The following SSX2IP variants were observed in gnomAD, a reference collection of about 807,000 sequenced individuals.
The protein encoded by SSX2IP is afadin- and alpha-actinin-binding protein.
In SSX2IP, 55 loss-of-function variants were observed where a neutral mutation model predicts 84.9. The observed-to-expected ratio is 0.65, with a 90% CI of 0.52 to 0.81. The LOEUF (loss-of-function observed/expected upper bound fraction) is 0.81. SSX2IP is among the 30% of genes least tolerant of loss of function. The pLI is 0.00. For missense variants in SSX2IP, 664 were observed against 705.2 expected (o/e 0.94, Z 0.66); for synonymous variants, 239 against 234.7 (o/e 1.02, Z -0.17).
At chr1:84,660,261 G>A (rs944002725) in intron 8 of SSX2IP, among the ~76,000 whole-genome samples, 2 of 152,150 alleles carry the variant, frequency 1.3e-5, no homozygotes, top group African/African-American at 4.8e-5. Flanking sequence ...TGTGAATTAT[G>A]AAGAATTATA....
In SSX2IP at chr1:84,682,780, T is replaced by G. The variant is rs185228443; in HGVS notation, c.-90+7591A>C. Among the ~76,000 whole-genome samples, 894 of 152,292 alleles carry G rather than the reference T, an allele frequency of 5.9e-3. 7 individuals are homozygous for G. The highest frequency in any genetic ancestry group is 9.2e-3 in the Non-Finnish European group (624 of 68,018). ...GCCTCCAAAATGCTGGGATTACAGG[T>G]GTGAGCCATCACGCACTGCCTTTTC... is the stretch of plus-strand genomic sequence containing the variant. On this transcript the variant is annotated intron_variant, in intron 1 of 13. Transcript: ENST00000342203.
Position 84,664,444 on chromosome 1 carries a change from C to G in SSX2IP, c.646G>C (p.Val216Leu). 3 of 1,597,964 alleles carry G rather than the reference C, an allele frequency of 1.9e-6. No individual in the cohort carries two copies. The highest frequency in any genetic ancestry group is 2.6e-6 in the Non-Finnish European group (3 of 1,174,716). Residue 216 changes from valine to leucine, a missense_variant, in exon 6 of 14, where the codon GTT (valine) becomes CTT (leucine). By Grantham distance (32) the Val-to-Leu change is conservative (BLOSUM62 1). Coordinates refer to ENST00000342203, the MANE Select transcript of SSX2IP (RefSeq NM_001166293.2). Reference protein sequence around the residue: ...NKLKERLHQLVMNKKDKKIAM... With the variant: ...NKLKERLHQLLMNKKDKKIAM... The stretch of plus-strand genomic sequence containing the variant: ...ATTTTCTTATCTTTCTTGTTCATAA[C>G]AAGTTGATGTAGACGTTCCTTCAGT...
chr1:84,650,314 T>G (rs1650031518), intron 13 of SSX2IP, 48 bp downstream of exon 13: 1 of 1,603,684 alleles, frequency 6.2e-7, no homozygotes, highest in Non-Finnish European at 8.5e-7. Context: ...GCAGTGCAAC[T>G]TTAGCAATTT....
chr1:84,662,945 G>A (rs887577396), intron 6 of SSX2IP, among the ~76,000 whole-genome samples: 2 of 152,112 alleles, frequency 1.3e-5, no homozygotes, highest in African/African-American at 2.4e-5. Flanking sequence ...TGTAAATAAA[G>A]CTTTATGGGA....
chr1:84,651,161 T>C (rs1009474897), intron 12 of SSX2IP, among the ~76,000 whole-genome samples: 3 of 152,010 alleles, frequency 2.0e-5, no homozygotes, highest in Non-Finnish European at 4.4e-5. Flanking sequence ...CAAAAAAGTT[T>C]TTAAAATTAT....
chr1:84,685,464 T>C (rs552817214), intron 1 of SSX2IP, among the ~76,000 whole-genome samples: 2 of 152,342 alleles, frequency 1.3e-5, no homozygotes, highest in South Asian at 4.1e-4. Context: ...TGGGGCTCCA[T>C]TAGCTGTTAT....
chr1:84,670,901 T>G, intron 2 of SSX2IP, 86 bp from the exon 3 acceptor site: 1 of 962,522 alleles, frequency 1.0e-6, no homozygotes, highest in Non-Finnish European at 1.5e-6. Context: ...GACTTTGAAT[T>G]ACATATATAC....
In SSX2IP at chr1:84,645,749, A is replaced by C. The variant is rs1649395035; in HGVS notation, c.*1684T>G. On this transcript the variant is annotated 3_prime_UTR_variant, in exon 14 of 14. Coordinates refer to ENST00000342203, the MANE Select transcript of SSX2IP (RefSeq NM_001166293.2). ...AAAAACAACAAAAATCCTATATCCC[A>C]GCTAGATTTCTTCCTTTAGCATATG... 1 of 150,774 alleles carries C rather than the reference A, an allele frequency of 6.6e-6. No homozygotes were observed. The highest frequency in any genetic ancestry group is 2.4e-5 in the African/African-American group (1 of 41,358). The allele number at this position is 150,774 out of a possible 1,614,324, so 9.3% of individuals were successfully genotyped here. A position where few individuals can be genotyped will look rare whatever the true frequency, so the allele number is the denominator to read the frequency against.
intron 1 of SSX2IP, among the ~76,000 whole-genome samples, chr1:84,676,305 T>A (rs925917959): frequency 1.3e-5 from 2 of 152,242 alleles, no homozygotes; most frequent in Admixed American, 1.3e-4. Flanking sequence ...TATAGCCATC[T>A]AATAAACTTC....
At position 84,662,656 on chromosome 1, in the gene SSX2IP, C is replaced by G; in HGVS notation, c.674-126G>C. The G allele has an allele frequency of 5.2e-6, 5 of 956,764 alleles. No homozygotes were observed. In the South Asian group the frequency reaches 9.0e-5, roughly 17 times the overall value. 59.3% of individuals were successfully genotyped at this position (956,764 alleles called of 1,614,324 possible). A position where few individuals can be genotyped will look rare whatever the true frequency, so the allele number is the denominator to read the frequency against. On this transcript the variant is annotated intron_variant, in intron 6 of 13. Transcript: ENST00000342203. ...ATATAGGTTAGGATTTGGGCTTAAACAGCCTAATTTTCGAGTTTCTAGTTC... is the reference window on the plus strand; with the variant it reads ...ATATAGGTTAGGATTTGGGCTTAAAGAGCCTAATTTTCGAGTTTCTAGTTC...
At chr1:84,673,399 G>A (rs187664296) in intron 1 of SSX2IP, among the ~76,000 whole-genome samples, 250 of 152,268 alleles carry the variant, frequency 1.6e-3, no homozygotes, top group Non-Finnish European at 2.8e-3. Context: ...ATGTGTTAAC[G>A]ATGAAAAACA....
chr1:84,648,323 T>G (rs562972647), intron 13 of SSX2IP, among the ~76,000 whole-genome samples: 1 of 152,348 alleles, frequency 6.6e-6, no homozygotes, highest in East Asian at 1.9e-4. Context: ...TAACAATGAA[T>G]ACCTTGAATT....
intron 1 of SSX2IP, among the ~76,000 whole-genome samples, chr1:84,684,648 G>C (rs191458416): frequency 6.6e-6 from 1 of 152,122 alleles, no homozygotes; most frequent in South Asian, 2.1e-4. Flanking sequence ...CGTATGCCAG[G>C]AGGTGTGCAC....
intron 1 of SSX2IP, among the ~76,000 whole-genome samples, chr1:84,673,671 T>C (rs1653897358): frequency 6.6e-6 from 1 of 152,108 alleles, no homozygotes; most frequent in African/African-American, 2.4e-5. Flanking sequence ...GTTCTAACAG[T>C]GGAAGCAGAA....
rs1656462864 is a variant in SSX2IP at position 84,690,390 on chromosome 1, G to T, written c.-109C>A. 1.3e-5 allele frequency: 2 copies of T among 150,196 alleles called. No homozygotes were observed. The highest frequency in any genetic ancestry group is 3.0e-5 in the Non-Finnish European group (2 of 67,478). 9.3% of individuals were successfully genotyped at this position (150,196 alleles called of 1,614,324 possible). ...GCTCACCGTCACGGCCCCCGGGAGC[G>T]GCGGGGAGTCACCGCTCGGCGTCCT... On this transcript the variant is annotated 5_prime_UTR_variant, in exon 1 of 14. Transcript: ENST00000342203.
intron 11 of SSX2IP, among the ~76,000 whole-genome samples, chr1:84,655,031 C>T (rs779067445): frequency 4.0e-5 from 6 of 151,416 alleles, no homozygotes; most frequent in Non-Finnish European, 8.8e-5. Flanking sequence ...GGCAAGCAGA[C>T]GAACAAGAGG....
chr1:84,686,470 G>A (rs1319552579), intron 1 of SSX2IP, among the ~76,000 whole-genome samples: 1 of 152,212 alleles, frequency 6.6e-6, no homozygotes, highest in Non-Finnish European at 1.5e-5. Flanking sequence ...GTAAAACTGG[G>A]TTTGGGCAAA....
rs540833082 is a variant in SSX2IP, at chr1:84,688,946, T to C, written c.-90+1425A>G. ...ACTAAAAGAGCCTTCGTTTTAATTA[T>C]CAGTTCCTAACCCTCTTCTCAAAGA... On this transcript the variant is annotated intron_variant, in intron 1 of 13. Coordinates refer to ENST00000342203, the MANE Select transcript of SSX2IP (RefSeq NM_001166293.2). Among the ~76,000 whole-genome samples, 3 of 152,360 alleles carry C rather than the reference T, an allele frequency of 2.0e-5. No homozygotes were observed. In the East Asian group the frequency reaches 5.8e-4, roughly 29 times the overall value.
At chr1:84,675,000 T>C (rs1327413159) in intron 1 of SSX2IP, among the ~76,000 whole-genome samples, 2 of 152,234 alleles carry the variant, frequency 1.3e-5, no homozygotes, top group Non-Finnish European at 1.5e-5. Context: ...TAGCTAAAAC[T>C]GCCTTGCTGA....
Sources: allele counts gnomAD v4.1 joint callset (sites outside exome capture counted in the v4.1 genomes callset), GRCh38; gene constraint gnomAD v4.1.1; transcripts MANE v1.5; gene names NCBI Gene and HGNC (gene_info 2026-07-23, HGNC 2026-07-21).